AHNAK2: variants seen among roughly 807,000 people sequenced by gnomAD.
AHNAK2 encodes AHNAK nucleoprotein 2, also known as protein AHNAK2.
In AHNAK2, 18 loss-of-function variants were observed where a neutral mutation model predicts 30.7. The observed-to-expected ratio is 0.59, with a 90% confidence interval of 0.41 to 0.87. The LOEUF (loss-of-function observed/expected upper bound fraction) is 0.87, where lower values mean the gene tolerates loss of function less well. Among genes scored for constraint, AHNAK2 ranks in the 40% least tolerant of loss-of-function variants. The pLI, the probability that AHNAK2 is intolerant of heterozygous loss-of-function variation, is 0.00. For synonymous variants in AHNAK2, 3,590 were observed against 3,073.8 expected (o/e 1.17, Z -5.56); for missense variants, 8,604 against 7,373.0 (o/e 1.17, Z -6.11).
rs200709026 is a variant in AHNAK2 at position 104,948,919 on chromosome 14, C to G, written c.6532G>C (p.Val2178Leu). 136 of 1,594,916 alleles carry G rather than the reference C, an allele frequency of 8.5e-5. 2 individuals carry two copies. In the African/African-American group the frequency reaches 1.1e-3, roughly 13 times the overall value. Reference protein sequence around the residue: ...PGKSIEASVDVSPPKVEADMS... With the variant: ...PGKSIEASVDLSPPKVEADMS... Reference sequence around the variant, plus strand: ...TCGGCCTCCACCTTGGGTGGAGACACATCCACCGAGGCCTCGATGGACTTG... The same window carrying G: ...TCGGCCTCCACCTTGGGTGGAGACAGATCCACCGAGGCCTCGATGGACTTG... Residue 2178 changes from valine to leucine, a missense_variant, in exon 7 of 7, where the codon GTG (valine) becomes CTG (leucine). Physicochemically the swap from Val to Leu is conservative, Grantham distance 32 (BLOSUM62 1). Transcript: ENST00000333244.
At position 104,948,526 on chromosome 14, in the gene AHNAK2, T is replaced by C. The variant is rs1455590136; in HGVS notation, c.6925A>G (p.Lys2309Glu). ...TTGCTGTCTTTGGCAGTCACGTCCT[T>C]GTCGGCCAGGGACATGTCCCCCTCC... ...RLEGDMSLADKDVTAKDSKFK... is the reference protein window; with the variant it reads ...RLEGDMSLADEDVTAKDSKFK... Residue 2309 changes from lysine to glutamate, a missense_variant, in exon 7 of 7, where the codon AAG (lysine) becomes GAG (glutamate). Lys to Glu is a moderately conservative substitution (Grantham distance 56). Coordinates refer to ENST00000333244, the MANE Select transcript of AHNAK2 (RefSeq NM_138420.4). 2 of 1,612,102 alleles carry C rather than the reference T, an allele frequency of 1.2e-6. No individual in the cohort carries two copies. The highest frequency in any genetic ancestry group is 1.7e-6 in the Non-Finnish European group (2 of 1,179,582).
In AHNAK2 at chr14:104,954,268, A is replaced by G. The variant is rs764220924; in HGVS notation, c.1183T>C (p.Leu395=). Residue 395 remains leucine, a synonymous_variant, in exon 7 of 7, where the codon TTG becomes CTG. Transcript: ENST00000333244. The surrounding 1 kb of genome is among the most constrained non-coding windows in gnomAD (Gnocchi z 4.3). ...CTAGGGTCACCGAGCTCTGTGGGCAATGGCATGCTCTGAGCAGGCATCACT... is the reference window on the plus strand; with the variant it reads ...CTAGGGTCACCGAGCTCTGTGGGCAGTGGCATGCTCTGAGCAGGCATCACT... ...REVMPAQSMP[L]PTELGDPRLC... The G allele has an allele frequency of 6.2e-6, 10 of 1,613,108 alleles. No homozygotes were observed. The highest frequency in any genetic ancestry group is 2.2e-5 in the East Asian group (1 of 44,870).
chr14:104,950,272 G>A lies in AHNAK2; in HGVS notation c.5179C>T (p.Pro1727Ser), dbSNP rs774873097. 1.9e-6 allele frequency: 3 copies of A among 1,585,702 alleles called. No homozygotes were observed. The highest frequency in any genetic ancestry group is 2.6e-6 in the Non-Finnish European group (3 of 1,162,852). ...GCTCCCTCGGGAAGGGGGCCCTCCGGGAGTTTCACGTTCACTTGGCCAGCC... is the reference window on the plus strand; with the variant it reads ...GCTCCCTCGGGAAGGGGGCCCTCCGAGAGTTTCACGTTCACTTGGCCAGCC... ...VQAGQVNVKL[P>S]EGPLPEGAGF... Residue 1727 changes from proline (P) to serine (S), a missense_variant, in exon 7 of 7, where the codon CCG becomes TCG. Transcript: ENST00000333244.
Position 104,954,389 on chromosome 14 carries a change from C to T in AHNAK2, c.1062G>A (p.Gly354=). Reference sequence around the variant, plus strand: ...CCCAGGGCCCCAACTCTTCCAGGACCCCAGCACGGCCCACCCCACTCTGGA... The same window carrying T: ...CCCAGGGCCCCAACTCTTCCAGGACTCCAGCACGGCCCACCCCACTCTGGA... ...RGFQSGVGRA[G]VLEELGPWGD... is the part of the protein sequence containing the mutation. Residue 354 remains glycine (G), a synonymous_variant, in exon 7 of 7, where the codon GGG becomes GGA. Coordinates refer to ENST00000333244, the MANE Select transcript of AHNAK2 (RefSeq NM_138420.4). This position sits in a 1 kb window ranked among gnomAD's most constrained non-coding sequence, Gnocchi z 4.3. 6.2e-7 allele frequency: 1 copy of T among 1,613,252 alleles called. No homozygotes were observed. The highest frequency in any genetic ancestry group is 1.1e-5 in the South Asian group (1 of 91,078).
intron 1 of AHNAK2, among the ~76,000 whole-genome samples, chr14:104,968,867 A>T (rs1439067203): frequency 2.0e-5 from 3 of 152,092 alleles, no homozygotes; most frequent in Non-Finnish European, 4.4e-5. Flanking sequence ...CCTCCCTCTG[A>T]ACACCCATGG....
At position 104,951,766 on chromosome 14, in the gene AHNAK2, C is replaced by G. The variant is rs371284486; in HGVS notation, c.3685G>C (p.Val1229Leu). Residue 1229 changes from valine to leucine, a missense_variant, in exon 7 of 7, where the codon GTG becomes CTG. Val to Leu is a conservative substitution (Grantham distance 32, BLOSUM62 1). Coordinates refer to ENST00000333244, the MANE Select transcript of AHNAK2 (RefSeq NM_138420.4). The part of the protein sequence containing the change: ...DLEVHAGQVD[V>L]KLLEGHVPEG... ...GGCACGTGGCCCTCCAGGAGCTTCA[C>G]GTCCACCTGGCCAGCGTGGACCTCC... 6.8e-6 allele frequency: 9 copies of G among 1,314,220 alleles called. 1 individual carries two copies. The highest frequency in any genetic ancestry group is 5.6e-5 in the African/African-American group (4 of 71,322). The allele number at this position is 1,314,220 out of a possible 1,614,324, so 81.4% of individuals were successfully genotyped here. A position where few individuals can be genotyped will look rare whatever the true frequency, so the allele number is the denominator to read the frequency against.
chr14:104,939,053 A>G lies in AHNAK2; in HGVS notation c.16398T>C (p.His5466=), dbSNP rs532902112. The G allele has an allele frequency of 1.9e-6, 3 of 1,606,546 alleles. No homozygotes were observed. The African/African-American group carries it at 4.0e-5, about 21-fold the overall frequency. ...EAPPISKVRV[H]IQGAQVESQE... is the part of the protein sequence containing the mutation. ...GACTTTCAACCTGAGCACCCTGAAT[A>G]TGCACTCTGACCTTTGAAATTGGGG... The change falls in exon 7 of 7, where the codon CAT becomes CAC. Residue 5466 remains histidine (H), a synonymous_variant. Transcript: ENST00000333244.
intron 1 of AHNAK2, among the ~76,000 whole-genome samples, chr14:104,965,197 G>T (rs923810344): frequency 6.6e-6 from 1 of 152,044 alleles, no homozygotes; most frequent in Non-Finnish European, 1.5e-5. Flanking sequence ...AAGTATTTTT[G>T]TAACGATTTA....
chr14:104,961,461 G>A (rs1195400634), intron 1 of AHNAK2, among the ~76,000 whole-genome samples: 1 of 151,174 alleles, frequency 6.6e-6, no homozygotes, highest in African/African-American at 2.4e-5. Flanking sequence ...CCTGCAGTGA[G>A]CCGAGATCGC....
At position 104,953,478 on chromosome 14, in the gene AHNAK2, T is replaced by G; in HGVS notation, c.1973A>C (p.Lys658Thr). 2 of 1,614,042 alleles carry G rather than the reference T, an allele frequency of 1.2e-6. No individual in the cohort carries two copies. The highest frequency in any genetic ancestry group is 1.3e-5 in the African/African-American group (1 of 75,062). Residue 658 changes from lysine (K) to threonine (T), a missense_variant, in exon 7 of 7, where the codon AAA (lysine) becomes ACA (threonine). By Grantham distance (78) the Lys-to-Thr change is moderately conservative. Coordinates refer to ENST00000333244, the MANE Select transcript of AHNAK2 (RefSeq NM_138420.4). ...CTTTTCTGTCAGAATTTGTTCCTTT[T>G]TTAAGCGTTTTTCATCGTGTATTAG... ...IQLIHDEKRL[K>T]KEQILTEKEV...
chr14:104,956,194 G>GAC (rs1898971024), intron 4 of AHNAK2, among the ~76,000 whole-genome samples: 1 of 152,198 alleles, frequency 6.6e-6, no homozygotes, highest in Non-Finnish European at 1.5e-5. Context: ...TTGGGTGCTA[G>GAC]CAGAGTCTAG....
chr14:104,961,593 A>C lies in AHNAK2; in HGVS notation c.56-3921T>G, dbSNP rs560667746. Among the ~76,000 whole-genome samples, 315 of 152,314 alleles carry C rather than the reference A, an allele frequency of 2.1e-3. 2 individuals carry two copies. The highest frequency in any genetic ancestry group is 6.8e-3 in the Middle Eastern group (2 of 294). On this transcript the variant is annotated intron_variant, in intron 1 of 6. Transcript: ENST00000333244. Reference sequence around the variant, plus strand: ...CAATCTTACTTGAAATTATACTGTAATAAGTTAAATATTCAGGGTATAAAG... The same window carrying C: ...CAATCTTACTTGAAATTATACTGTACTAAGTTAAATATTCAGGGTATAAAG...
rs762552741 is a variant in AHNAK2, at chr14:104,942,281, C to T, written c.13170G>A (p.Lys4390=). ...HLPKLQMPSF[K]VPKVDLKGPQ... is the part of the protein sequence containing the mutation. ...GACCCTTGAGGTCCACTTTGGGTAC[C>T]TTGAAACTGGGCATCTGCAGCTTCG... is the stretch of plus-strand genomic sequence containing the variant. Residue 4390 remains lysine, a synonymous_variant, in exon 7 of 7, where the codon AAG becomes AAA. Coordinates refer to ENST00000333244, the MANE Select transcript of AHNAK2 (RefSeq NM_138420.4). 1 of 1,613,212 alleles carries T rather than the reference C, an allele frequency of 6.2e-7. No individual in the cohort carries two copies. Among genetic ancestry groups the T allele is most frequent in the South Asian group, 1.1e-5 (1 of 91,060 alleles).
Position 104,939,065 on chromosome 14 carries a change from C to G in AHNAK2, c.16386G>C (p.Lys5462Asn), listed in dbSNP as rs1285337001. The G allele has an allele frequency of 1.2e-6, 2 of 1,605,170 alleles. No homozygotes were observed. Among genetic ancestry groups the G allele is most frequent in the Non-Finnish European group, 1.7e-6 (2 of 1,175,798 alleles). ...NLPLEAPPIS[K>N]VRVHIQGAQV... ...GAGCACCCTGAATATGCACTCTGAC[C>G]TTTGAAATTGGGGGAGCTTCCAAAG... Residue 5462 changes from lysine to asparagine, a missense_variant, in exon 7 of 7, where the codon AAG becomes AAC. Physicochemically the swap from Lys to Asn is moderately conservative, Grantham distance 94. Transcript: ENST00000333244.
chr14:104,977,097 T>C (rs531998055), intron 1 of AHNAK2, among the ~76,000 whole-genome samples: 50 of 152,212 alleles, frequency 3.3e-4, no homozygotes, highest in Middle Eastern at 3.4e-3. Flanking sequence ...GGAGGGGCCT[T>C]GGTAGTGCCT....
At position 104,949,737 on chromosome 14, in the gene AHNAK2, T is replaced by G; in HGVS notation, c.5714A>C (p.His1905Pro). Residue 1905 changes from histidine to proline, a missense_variant, in exon 7 of 7, where the codon CAC (histidine) becomes CCC (proline). Transcript: ENST00000333244. ...QVPEGAGLKG[H>P]LPKVDMPSFK... ...ACTGGGCATATCCACCTTGGGCAAG[T>G]GCCCTTTGAGGCCGGCTCCCTCGGG... The G allele has an allele frequency of 3.1e-6, 5 of 1,587,592 alleles. No individual in the cohort carries two copies. The highest frequency in any genetic ancestry group is 4.3e-6 in the Non-Finnish European group (5 of 1,163,052).
At chr14:104,958,871 G>T (rs1247198628) in intron 1 of AHNAK2, among the ~76,000 whole-genome samples, 1 of 152,186 alleles carries the variant, frequency 6.6e-6, no homozygotes, top group Non-Finnish European at 1.5e-5. Context: ...CAGTCAAAAT[G>T]CTTAAGAGAA....
Position 104,947,800 on chromosome 14 carries a change from G to A in AHNAK2, c.7651C>T (p.Leu2551Phe). The A allele has an allele frequency of 3.7e-6, 6 of 1,612,780 alleles. No individual in the cohort carries two copies. Among genetic ancestry groups the A allele is most frequent in the Non-Finnish European group, 5.1e-6 (6 of 1,179,610 alleles). The change falls in exon 7 of 7, where the codon CTC becomes TTC. Residue 2551 changes from leucine to phenylalanine, a missense_variant. Physicochemically the swap from Leu to Phe is conservative, Grantham distance 22 (BLOSUM62 0). Coordinates refer to ENST00000333244, the MANE Select transcript of AHNAK2 (RefSeq NM_138420.4). ...EVQAGQVDVKLPEGPVPEGAG... is the reference protein window; with the variant it reads ...EVQAGQVDVKFPEGPVPEGAG... ...CCCTCCGGCACAGGGCCCTCTGGGA[G>A]TTTCACGTCCACTTGGCCAGCCTGG... is the stretch of plus-strand genomic sequence containing the variant.
rs2819431 is a variant in AHNAK2, at chr14:104,948,077, G to T, written c.7374C>A (p.Ala2458=). 59 of 1,611,330 alleles carry T rather than the reference G, an allele frequency of 3.7e-5. 2 individuals carry two copies. The African/African-American group carries it at 5.7e-4, about 16-fold the overall frequency. Residue 2458 remains alanine (A), a synonymous_variant, in exon 7 of 7, where the codon GCC becomes GCA. Transcript: ENST00000333244. ...SVEVDVEAPG[A]KLDGAWLEGD... is the part of the protein sequence containing the mutation. ...CCTCCAGCCACGCACCATCCAGCTT[G>T]GCTCCCGGGGCCTCGACATCCACCT...
Sources: allele counts gnomAD v4.1 joint callset (sites outside exome capture counted in the v4.1 genomes callset), GRCh38; gene constraint gnomAD v4.1.1; non-coding constraint Gnocchi (gnomAD v3.1); transcripts MANE v1.5; gene names NCBI Gene and HGNC (gene_info 2026-07-23, HGNC 2026-07-21).